PPP6R3: variants seen among roughly 807,000 people sequenced by gnomAD.
PPP6R3 encodes the protein serine/threonine-protein phosphatase 6 regulatory subunit 3.
A neutral mutation model predicts 110.7 loss-of-function variants in PPP6R3; 38 were observed. The observed-to-expected ratio is 0.34, with a 90% CI of 0.26 to 0.45. The LOEUF is 0.45. Ranked by LOEUF, PPP6R3 falls within the 20% of genes least tolerant of loss-of-function variation. PPP6R3 has a pLI of 1.00. For synonymous variants in PPP6R3, 369 were observed against 373.5 expected (o/e 0.99, Z 0.14); for missense variants, 870 against 1,062.4 (o/e 0.82, Z 2.52).
At chr11:68,577,786 T>A (rs968973362) in intron 14 of PPP6R3, among the ~76,000 whole-genome samples, 2 of 152,194 alleles carry the variant, frequency 1.3e-5, no homozygotes, top group Non-Finnish European at 2.9e-5. Context: ...TATTTTGGGC[T>A]CCATCTGTCA....
intron 1 of PPP6R3, among the ~76,000 whole-genome samples, chr11:68,492,217 C>T (rs764059142): frequency 1.2e-4 from 18 of 152,178 alleles, no homozygotes; most frequent in Admixed American, 9.8e-4. Context: ...ACTACAGTGG[C>T]ATGATCATAG....
chr11:68,542,555 G>A (rs2099325521), intron 3 of PPP6R3, among the ~76,000 whole-genome samples: 1 of 151,852 alleles, frequency 6.6e-6, no homozygotes, highest in African/African-American at 2.4e-5. Context: ...CACCACACCT[G>A]GCTAATTTTT....
chr11:68,571,342 T>G, intron 12 of PPP6R3: 1 of 459,334 alleles, frequency 2.2e-6, no homozygotes, highest in Non-Finnish European at 3.7e-6. Flanking sequence ...TCCCCACCTC[T>G]GTGCTGCCTT....
chr11:68,463,518 C>G (rs1326463965), intron 1 of PPP6R3, among the ~76,000 whole-genome samples: 1 of 151,886 alleles, frequency 6.6e-6, no homozygotes, highest in African/African-American at 2.4e-5. Context: ...GAGAGGCAGC[C>G]TCTGTGTGTG....
chr11:68,519,746 G>C (rs546050579), intron 2 of PPP6R3, 95 bp downstream of exon 2: 66 of 395,648 alleles, frequency 1.7e-4, no homozygotes, highest in South Asian at 1.6e-3. Context: ...TAGCAAACCA[G>C]GTGGAGACCA....
At chr11:68,493,984 T>G (rs1000138455) in intron 1 of PPP6R3, among the ~76,000 whole-genome samples, 1 of 150,998 alleles carries the variant, frequency 6.6e-6, no homozygotes, top group Non-Finnish European at 1.5e-5. Flanking sequence ...GAGCCTGTAG[T>G]CCCAGCTACT....
intron 21 of PPP6R3, 68 bp from the exon 22 acceptor site, chr11:68,603,274 G>A (rs1179472477): frequency 6.9e-6 from 11 of 1,590,982 alleles, no homozygotes; most frequent in Non-Finnish European, 9.4e-6. Flanking sequence ...AGATGGGTTT[G>A]TACAGTGGTG....
At chr11:68,508,382 C>T (rs934870813) in intron 1 of PPP6R3, among the ~76,000 whole-genome samples, 1 of 151,904 alleles carries the variant, frequency 6.6e-6, no homozygotes, top group Non-Finnish European at 1.5e-5. Context: ...CACCCACCTC[C>T]ACCTCTCACA....
At chr11:68,575,439 A>G (rs962128244) in intron 13 of PPP6R3, among the ~76,000 whole-genome samples, 5 of 152,224 alleles carry the variant, frequency 3.3e-5, no homozygotes, top group African/African-American at 9.6e-5. Context: ...TCTTAGAGCA[A>G]TTTGAAAAGC....
chr11:68,579,427 A>G (rs1278375961), intron 14 of PPP6R3, among the ~76,000 whole-genome samples: 1 of 152,256 alleles, frequency 6.6e-6, no homozygotes, highest in Admixed American at 6.5e-5. Flanking sequence ...GTGCACTACA[A>G]CAAGAGTGCA....
rs1218761047 is a variant in PPP6R3 at position 68,520,937 on chromosome 11, A to G, written c.-7+1286A>G. 3.3e-5 allele frequency among the ~76,000 whole-genome samples: 5 copies of G among 152,056 alleles called. No individual in the cohort carries two copies. In the East Asian group the frequency reaches 9.7e-4, roughly 30 times the overall value. ...CAGGCGTGCACCACCACGCCCGGCT[A>G]ATTTTTGTATTTTTTGTAGAGACGG... is the stretch of plus-strand genomic sequence containing the variant. On this transcript the variant is annotated intron_variant, in intron 2 of 23. Transcript: ENST00000393800.
intron 8 of PPP6R3, 29 bp from the exon 9 acceptor site, chr11:68,564,274 A>G (rs780524890): frequency 1.3e-6 from 2 of 1,574,886 alleles, no homozygotes; most frequent in South Asian, 1.1e-5. Flanking sequence ...TGAAATTATA[A>G]TAACTAAAAT....
At chr11:68,535,182 A>G (rs922254588) in intron 2 of PPP6R3, among the ~76,000 whole-genome samples, 2 of 152,176 alleles carry the variant, frequency 1.3e-5, no homozygotes, top group Admixed American at 6.5e-5. Flanking sequence ...TTCACGGCAA[A>G]TGTGTTACAT....
intron 7 of PPP6R3, among the ~76,000 whole-genome samples, chr11:68,557,204 G>T (rs577431936): frequency 1.3e-5 from 2 of 152,232 alleles, no homozygotes; most frequent in Non-Finnish European, 2.9e-5. Context: ...TGTGTGTTAA[G>T]TGACTTTTAT....
chr11:68,476,148 G>A (rs1372880027), intron 1 of PPP6R3, among the ~76,000 whole-genome samples: 6 of 152,284 alleles, frequency 3.9e-5, no homozygotes, highest in African/African-American at 9.6e-5. Flanking sequence ...CCGAGATCAC[G>A]CCACTGCACT....
chr11:68,568,950 G>C (rs1314727448), intron 10 of PPP6R3, among the ~76,000 whole-genome samples: 1 of 152,072 alleles, frequency 6.6e-6, no homozygotes, highest in Non-Finnish European at 1.5e-5. Flanking sequence ...ATTTTTAGTA[G>C]AGACGGGGTT....
At chr11:68,520,190 G>A (rs2099157221) in intron 2 of PPP6R3, among the ~76,000 whole-genome samples, 1 of 152,258 alleles carries the variant, frequency 6.6e-6, no homozygotes, top group Middle Eastern at 3.4e-3. Flanking sequence ...AGGTCCTTTT[G>A]GGGGACATGC....
intron 9 of PPP6R3, 90 bp downstream of exon 9, chr11:68,564,522 C>T (rs2099449167): frequency 9.2e-6 from 13 of 1,418,550 alleles, no homozygotes; most frequent in African/African-American, 1.4e-5. Flanking sequence ...AGTGGCAGAA[C>T]TGGCTGTGGT....
At chr11:68,570,940 AT>A in intron 11 of PPP6R3, 99 bp from the exon 12 acceptor site, 1 of 1,403,554 alleles carries the variant, frequency 7.1e-7, no homozygotes, top group Non-Finnish European at 9.5e-7. Flanking sequence ...AGCTTGCTAG[AT>A]TATGCATACT....
Sources: allele counts gnomAD v4.1 joint callset (sites outside exome capture counted in the v4.1 genomes callset), GRCh38; gene constraint gnomAD v4.1.1; transcripts MANE v1.5; gene names NCBI Gene and HGNC (gene_info 2026-07-23, HGNC 2026-07-21).